NAALADL2: variants seen among roughly 807,000 people sequenced by gnomAD.
The protein encoded by NAALADL2 is N-acetylated alpha-linked acidic dipeptidase like 2.
Under a neutral mutation model 87.2 loss-of-function variants are expected in NAALADL2, and 76 were observed. The ratio of observed to expected loss-of-function variants is 0.87; its 90% CI spans 0.72 to 1.05. The LOEUF is 1.05. Ranked by LOEUF, NAALADL2 falls within the 50% of genes least tolerant of loss-of-function variation. The pLI, the probability that NAALADL2 is intolerant of heterozygous loss-of-function variation, is 0.00. For synonymous variants in NAALADL2, 354 were observed against 331.0 expected, an observed-to-expected ratio of 1.07 and a Z score of -0.75; for missense variants, 1,089 against 945.8, an observed-to-expected ratio of 1.15 and a Z score of -1.99.
chr3:175,059,192 A>G (rs1553762121), intron 1 of NAALADL2, among the ~76,000 whole-genome samples: 4 of 150,318 alleles, frequency 2.7e-5, no homozygotes, highest in Non-Finnish European at 2.9e-5. Context: ...TCTTTTATTC[A>G]TCTCTTTTTT....
At chr3:175,676,703 C>A (rs1462546629) in intron 11 of NAALADL2, 1 of 151,766 alleles carries the variant, frequency 6.6e-6, no homozygotes, top group Non-Finnish European at 1.5e-5. Flanking sequence ...TGATTAGTTT[C>A]TCCCCAGAGT....
At chr3:175,604,481 T>G (rs1723411578) in intron 10 of NAALADL2, among the ~76,000 whole-genome samples, 1 of 151,750 alleles carries the variant, frequency 6.6e-6, no homozygotes, top group Non-Finnish European at 1.5e-5. Flanking sequence ...TTTTTTTGTC[T>G]TTTTAGTAGA....
intron 3 of NAALADL2, among the ~76,000 whole-genome samples, chr3:174,778,623 C>T (rs779288769): frequency 6.6e-6 from 1 of 152,064 alleles, no homozygotes; most frequent in Non-Finnish European, 1.5e-5. Flanking sequence ...TGCTATCCCT[C>T]TCCTAGACCC....
At chr3:175,711,284 T>C (rs1033965958) in intron 11 of NAALADL2, among the ~76,000 whole-genome samples, 1 of 151,864 alleles carries the variant, frequency 6.6e-6, no homozygotes, top group Non-Finnish European at 1.5e-5. Context: ...TGCAATCTCT[T>C]TTACAGGTTC....
intron 2 of NAALADL2, among the ~76,000 whole-genome samples, chr3:174,667,135 T>C (rs1014592567): frequency 1.3e-5 from 2 of 152,190 alleles, no homozygotes; most frequent in South Asian, 2.1e-4. Flanking sequence ...TAATGCTGCA[T>C]TGAACAAGTA....
chr3:174,684,692 T>C (rs1022815258), intron 2 of NAALADL2, among the ~76,000 whole-genome samples: 1 of 152,160 alleles, frequency 6.6e-6, no homozygotes, highest in African/African-American at 2.4e-5. Flanking sequence ...TTGTGTTCTA[T>C]GACATAGGAC....
chr3:174,525,862 A>G (rs1720700732), intron 1 of NAALADL2, among the ~76,000 whole-genome samples: 1 of 152,120 alleles, frequency 6.6e-6, no homozygotes. Context: ...GGCACCCACT[A>G]TGTTCTGGTC....
chr3:175,643,721 T>A (rs1729599998), intron 11 of NAALADL2, among the ~76,000 whole-genome samples: 1 of 152,116 alleles, frequency 6.6e-6, no homozygotes, highest in South Asian at 2.1e-4. Context: ...CTTGTCCAGG[T>A]GAGAAGAACA....
Position 175,243,094 on chromosome 3 carries a change from C to T in NAALADL2, c.819+8890C>T, listed in dbSNP as rs140186015. On this transcript the variant is annotated intron_variant, in intron 3 of 13. Transcript: ENST00000454872. The stretch of plus-strand genomic sequence containing the variant: ...TAACACACACACACACACACACACA[C>T]GCACACACACACACTATACTCAATT... 8.2e-3 allele frequency among the ~76,000 whole-genome samples: 1,248 copies of T among 151,278 alleles called. 4 individuals are homozygous for T. Among genetic ancestry groups the T allele is most frequent in the South Asian group, 0.021 (102 of 4,786 alleles).
rs182205611 is a variant in NAALADL2 at position 175,560,921 on chromosome 3, A to G, written c.1654-15120A>G. ...AGGCGTGAACCATTGCGCCCAGCCC[A>G]TAACTGAACATTTCTAACATTATTT... On this transcript the variant is annotated intron_variant, in intron 9 of 13. Coordinates refer to ENST00000454872, the MANE Select transcript of NAALADL2 (RefSeq NM_207015.3). Among the ~76,000 whole-genome samples the G allele has an allele frequency of 3.9e-3, 597 of 152,240 alleles. 5 individuals are homozygous for G. Among genetic ancestry groups the G allele is most frequent in the African/African-American group, 0.014 (579 of 41,536 alleles).
At chr3:175,189,938 C>T (rs1737901081) in intron 2 of NAALADL2, among the ~76,000 whole-genome samples, 1 of 152,132 alleles carries the variant, frequency 6.6e-6, no homozygotes, top group African/African-American at 2.4e-5. Context: ...ATACAGTGAA[C>T]TTGCATGCCA....
At chr3:174,676,392 C>T (rs911228800) in intron 2 of NAALADL2, among the ~76,000 whole-genome samples, 2 of 145,400 alleles carry the variant, frequency 1.4e-5, no homozygotes, top group African/African-American at 2.4e-5. Context: ...TTTATCATAG[C>T]CAGTATTCTA....
At chr3:174,516,045 T>C (rs1719918701) in intron 1 of NAALADL2, among the ~76,000 whole-genome samples, 1 of 151,642 alleles carries the variant, frequency 6.6e-6, no homozygotes, top group South Asian at 2.1e-4. Flanking sequence ...AAAGTATTTA[T>C]TGTTGATTTT....
intron 4 of NAALADL2, among the ~76,000 whole-genome samples, chr3:175,298,009 A>T (rs953369185): frequency 1.2e-4 from 19 of 152,190 alleles, no homozygotes; most frequent in African/African-American, 3.9e-4. Flanking sequence ...CAGATGCTAC[A>T]ACAATGCTTG....
intron 3 of NAALADL2, among the ~76,000 whole-genome samples, chr3:174,808,041 G>A (rs1444541764): frequency 1.3e-5 from 2 of 151,944 alleles, no homozygotes; most frequent in Admixed American, 6.6e-5. Context: ...TACATTATCC[G>A]TAAAAATATT....
chr3:175,746,364 T>C (rs1470697548), intron 12 of NAALADL2, among the ~76,000 whole-genome samples: 3 of 144,532 alleles, frequency 2.1e-5, no homozygotes, highest in East Asian at 1.9e-4. Context: ...CTATGTAATA[T>C]GTTTTTTTTT....
chr3:175,408,100 T>C lies in NAALADL2; in HGVS notation c.1091-39129T>C, dbSNP rs528504272. Among the ~76,000 whole-genome samples the C allele has an allele frequency of 1.6e-4, 25 of 152,168 alleles. No individual in the cohort carries two copies. The Middle Eastern group carries it at 0.01, about 62-fold the overall frequency. ...GATCTCATAGAAACAGAGTAAGAAG[T>C]GGTTAGCAGAAACAGGGGAAAGGGG... is the stretch of plus-strand genomic sequence containing the variant. On this transcript the variant is annotated intron_variant, in intron 5 of 13. Coordinates refer to ENST00000454872, the MANE Select transcript of NAALADL2 (RefSeq NM_207015.3).
chr3:175,458,571 T>C (rs1327390382), intron 6 of NAALADL2, among the ~76,000 whole-genome samples: 1 of 148,010 alleles, frequency 6.8e-6, no homozygotes, highest in African/African-American at 2.4e-5. Flanking sequence ...TTTTATAATT[T>C]ATAAATATAA....
chr3:174,586,193 T>G (rs1716702318), intron 2 of NAALADL2, among the ~76,000 whole-genome samples: 1 of 152,234 alleles, frequency 6.6e-6, no homozygotes, highest in Non-Finnish European at 1.5e-5. Context: ...TTTAGCACTG[T>G]TTGTGTGCTA....
Sources: gnomAD v4.1 joint callset for allele counts (sites outside exome capture counted in the v4.1 genomes callset) on GRCh38, gnomAD v4.1.1 for gene constraint, MANE v1.5 for transcripts, NCBI Gene and HGNC (gene_info 2026-07-23, HGNC 2026-07-21) for gene names.